Variants in CNOT2 observed in about 807,000 individuals in gnomAD.
CNOT2 encodes the protein CC chemokine receptor 4-negative regulator of transcription 2.
Under a neutral mutation model 72.1 loss-of-function variants are expected in CNOT2, and 7 were observed. The observed-to-expected ratio is 0.10, with a 90% CI of 0.06 to 0.18. The LOEUF is 0.18. Among genes scored for constraint, CNOT2 ranks in the 10% least tolerant of loss-of-function variants. The probability of loss-of-function intolerance (pLI) is 1.00; values close to 1 mark genes in which losing one functional copy is unlikely to be tolerated. For synonymous variants in CNOT2, 196 were observed against 225.6 expected (o/e 0.87, Z 1.17); for missense variants, 345 against 660.3 (o/e 0.52, Z 5.23).
rs759302118 is a variant in CNOT2 at position 70,354,599 on chromosome 12, CA to C, written c.*685del. ...GTTACGATTTTGTAATAAATGTGTACATTTTTTTTAAATTTTTGGACATCAC... is the reference window on the plus strand; with the variant it reads ...GTTACGATTTTGTAATAAATGTGTACTTTTTTTTAAATTTTTGGACATCAC... On this transcript the variant is annotated 3_prime_UTR_variant, in exon 16 of 16. Transcript: ENST00000229195. The C allele has an allele frequency of 6.6e-6, 1 of 152,472 alleles. No individual in the cohort carries two copies. Among genetic ancestry groups the C allele is most frequent in the Non-Finnish European group, 1.5e-5 (1 of 68,018 alleles). 9.4% of individuals were successfully genotyped at this position (152,472 alleles called of 1,614,324 possible). A position where few individuals can be genotyped will look rare whatever the true frequency, so the allele number is the denominator to read the frequency against.
At chr12:70,244,736 G>A (rs1957796415) in intron 1 of CNOT2, among the ~76,000 whole-genome samples, 1 of 152,156 alleles carries the variant, frequency 6.6e-6, no homozygotes, top group South Asian at 2.1e-4. Context: ...TCATAATTAA[G>A]TACACTGCTT....
chr12:70,293,545 A>G (rs1458789606), intron 2 of CNOT2, among the ~76,000 whole-genome samples: 3 of 152,126 alleles, frequency 2.0e-5, no homozygotes, highest in Non-Finnish European at 4.4e-5. Flanking sequence ...TTGTTTGGTT[A>G]AAGTGCCAGG....
chr12:70,346,979 T>C lies in CNOT2; in HGVS notation c.1536+655T>C, dbSNP rs375430205. On this transcript the variant is annotated intron_variant, in intron 15 of 15. Transcript: ENST00000229195. ...CGTTGTGTTTATTTAGTCTGCCTAG[T>C]AGAGAATATATTATTCTCTACATGT... is the stretch of plus-strand genomic sequence containing the variant. Among the ~76,000 whole-genome samples, 8 of 151,362 alleles carry C rather than the reference T, an allele frequency of 5.3e-5. No homozygotes were observed. The South Asian group carries it at 1.7e-3, about 32-fold the overall frequency.
chr12:70,243,893 G>C (rs1003915396), intron 1 of CNOT2: 1 of 152,242 alleles, frequency 6.6e-6, no homozygotes, highest in East Asian at 1.9e-4. Flanking sequence ...CTTCCTGGGG[G>C]AGAAGAGAAG....
chr12:70,281,922 A>G (rs74101483), intron 2 of CNOT2, among the ~76,000 whole-genome samples: 1,677 of 124,894 alleles, frequency 0.013, 29 homozygotes, highest in African/African-American at 0.044. Context: ...CAGTGGCTAC[A>G]TGCTGCTAAT....
At chr12:70,307,443 T>G (rs115122157) in intron 2 of CNOT2, among the ~76,000 whole-genome samples, 1 of 152,272 alleles carries the variant, frequency 6.6e-6, no homozygotes, top group African/African-American at 2.4e-5. Flanking sequence ...TTTGCTTAGG[T>G]CTATCAAGGC....
intron 2 of CNOT2, among the ~76,000 whole-genome samples, chr12:70,292,404 G>T (rs1823163552): frequency 6.6e-6 from 1 of 152,086 alleles, no homozygotes; most frequent in Non-Finnish European, 1.5e-5. Flanking sequence ...AAGGGGTGGG[G>T]GACAAAGTGT....
chr12:70,264,369 C>T (rs75401536), intron 1 of CNOT2, among the ~76,000 whole-genome samples: 21,919 of 152,132 alleles, frequency 0.14, 1,916 homozygotes, highest in Admixed American at 0.28. Context: ...TACACTCTGT[C>T]CCAAATAAAG....
intron 8 of CNOT2, chr12:70,337,099 C>A (rs1880806327): frequency 5.2e-6 from 1 of 193,732 alleles, no homozygotes; most frequent in Admixed American, 5.6e-5. Context: ...GCTTTTAAAC[C>A]AAAATTGTTA....
At chr12:70,264,201 G>A (rs757649098) in intron 1 of CNOT2, among the ~76,000 whole-genome samples, 8 of 152,200 alleles carry the variant, frequency 5.3e-5, no homozygotes, top group South Asian at 2.1e-4. Context: ...TATGAACTGC[G>A]GAGGTCTGTT....
At position 70,262,328 on chromosome 12, in the gene CNOT2, C is replaced by T. The variant is rs375660843; in HGVS notation, c.-95-15804C>T. Among the ~76,000 whole-genome samples the T allele has an allele frequency of 6.6e-5, 10 of 152,270 alleles. No individual in the cohort carries two copies. The East Asian group carries it at 1.7e-3, about 26-fold the overall frequency. ...TCGCTCTGTCGCCCAGGCTGGAGTG[C>T]AATGGCGCAATCTCGGCTCACTGCA... is the stretch of plus-strand genomic sequence containing the variant. On this transcript the variant is annotated intron_variant, in intron 1 of 15. Coordinates refer to ENST00000229195, the MANE Select transcript of CNOT2 (RefSeq NM_014515.7).
chr12:70,313,904 C>T (rs1385776218), intron 3 of CNOT2, among the ~76,000 whole-genome samples: 1 of 152,030 alleles, frequency 6.6e-6, no homozygotes, highest in East Asian at 1.9e-4. Flanking sequence ...GGGCCTGTTT[C>T]TAAGATCTTG....
intron 2 of CNOT2, among the ~76,000 whole-genome samples, chr12:70,303,345 T>G (rs572067756): frequency 9.2e-5 from 14 of 152,228 alleles, no homozygotes; most frequent in Admixed American, 7.2e-4. Context: ...GTTTTTGCAG[T>G]GGCTGGTACC....
In CNOT2 at chr12:70,265,327, T is replaced by TCTCTTCTCGTC. The variant is rs200497693; in HGVS notation, c.-95-12805_-95-12804insCTCTTCTCGTC. Among the ~76,000 whole-genome samples the TCTCTTCTCGTC allele has an allele frequency of 3.0e-3, 384 of 129,284 alleles. 1 individual carries two copies. The highest frequency in any genetic ancestry group is 5.1e-3 in the Non-Finnish European group (298 of 58,202). 84.8% of individuals were successfully genotyped at this position (129,284 alleles called of 152,430 possible). ...TCTCTTCTCTTCTCTTCTCTTCTCT[T>TCTCTTCTCGTC]TCTTTCTTTTTTCTTTCTTTCTCTC... On this transcript the variant is annotated intron_variant, in intron 1 of 15. Coordinates refer to ENST00000229195, the MANE Select transcript of CNOT2 (RefSeq NM_014515.7).
chr12:70,243,934 C>G (rs1220876892), intron 1 of CNOT2: 1 of 152,236 alleles, frequency 6.6e-6, no homozygotes, highest in Non-Finnish European at 1.5e-5. Context: ...GGCCGACGAG[C>G]TCGAGCCCGC....
intron 13 of CNOT2, chr12:70,343,823 T>TAA (rs1881818310): frequency 4.3e-6 from 1 of 233,850 alleles, no homozygotes; most frequent in Non-Finnish European, 8.2e-6. Context: ...TTAGGTTCTT[T>TAA]TCCCCATTGG....
intron 1 of CNOT2, among the ~76,000 whole-genome samples, chr12:70,259,376 G>C (rs1402853157): frequency 6.6e-6 from 1 of 151,914 alleles, no homozygotes; most frequent in Non-Finnish European, 1.5e-5. Flanking sequence ...CTTTGTCAAG[G>C]AAGTTTACAT....
intron 1 of CNOT2, among the ~76,000 whole-genome samples, chr12:70,269,119 G>T (rs892733939): frequency 2.6e-5 from 4 of 152,110 alleles, no homozygotes; most frequent in Non-Finnish European, 5.9e-5. Flanking sequence ...CATCAAAGTT[G>T]ATTTAGCCCT....
chr12:70,342,065 T>C (rs1205169582), intron 11 of CNOT2, 42 bp from the exon 12 acceptor site: 2 of 1,207,522 alleles, frequency 1.7e-6, no homozygotes, highest in South Asian at 2.4e-5. Flanking sequence ...TAGAAATCTC[T>C]TTTTCTGGAT....
Sources: allele counts gnomAD v4.1 joint callset (sites outside exome capture counted in the v4.1 genomes callset), GRCh38; gene constraint gnomAD v4.1.1; transcripts MANE v1.5; gene names NCBI Gene and HGNC (gene_info 2026-07-23, HGNC 2026-07-21).